Variants in CEP85L observed in about 807,000 individuals in gnomAD.
The protein encoded by CEP85L is centrosomal protein of 85 kDa-like.
A neutral mutation model predicts 100.3 loss-of-function variants in CEP85L; 60 were observed. The observed-to-expected ratio is 0.60, with a 90% CI of 0.49 to 0.74. CEP85L has a LOEUF of 0.74. Ranked by LOEUF, CEP85L falls within the 30% of genes least tolerant of loss-of-function variation. The pLI is 0.00. For missense variants in CEP85L, 973 were observed against 936.2 expected (o/e 1.04, Z -0.51); for synonymous variants, 319 against 322.7 (o/e 0.99, Z 0.12).
chr6:118,651,191 C>A lies in CEP85L; in HGVS notation c.73+6G>T. The A allele has an allele frequency of 1.3e-6, 2 of 1,495,596 alleles. No individual in the cohort carries two copies. The highest frequency in any genetic ancestry group is 2.8e-5 in the East Asian group (1 of 35,358). 92.6% of individuals were successfully genotyped at this position (1,495,596 alleles called of 1,614,324 possible). The stretch of plus-strand genomic sequence containing the variant: ...ACCCCAGCCGGGGCGCTGTCCCGTT[C>A]CTTACCGGCAGGGAAGCTGCGGGCT... On this transcript the variant is annotated splice_donor_region_variant and intron_variant, in intron 1 of 12. Transcript: ENST00000368491.
chr6:118,613,893 T>A (rs900400460), intron 2 of CEP85L, among the ~76,000 whole-genome samples: 10 of 151,976 alleles, frequency 6.6e-5, no homozygotes, highest in Admixed American at 6.6e-4. Context: ...TTTATAAAGG[T>A]ATTATAGTAT....
intron 1 of CEP85L, among the ~76,000 whole-genome samples, chr6:118,637,277 CT>C (rs1320786812): frequency 6.6e-6 from 1 of 152,140 alleles, no homozygotes; most frequent in African/African-American, 2.4e-5. Flanking sequence ...TACTTAGAGC[CT>C]TTTTATTTAG....
At chr6:118,490,444 G>T (rs780447520) in intron 6 of CEP85L, among the ~76,000 whole-genome samples, 1 of 152,138 alleles carries the variant, frequency 6.6e-6, no homozygotes, top group Non-Finnish European at 1.5e-5. Context: ...AGTCCTTTGC[G>T]CTATCAAGAA....
chr6:118,634,770 C>T (rs958303397), intron 1 of CEP85L, among the ~76,000 whole-genome samples: 1 of 152,132 alleles, frequency 6.6e-6, no homozygotes, highest in Non-Finnish European at 1.5e-5. Context: ...AGCTCAAAGT[C>T]CTGCCTAAAC....
rs1778199690 is a variant in CEP85L at position 118,546,325 on chromosome 6, T to A, written c.1020+19204A>T. 2.6e-5 allele frequency among the ~76,000 whole-genome samples: 4 copies of A among 152,186 alleles called. No homozygotes were observed. In the South Asian group the frequency reaches 8.3e-4, roughly 31 times the overall value. ...AAGGTGTGTATATGCCTATGTATAC[T>A]TTTTAAGTAAACTTATAAACATGTG... On this transcript the variant is annotated intron_variant, in intron 3 of 12. Coordinates refer to ENST00000368491, the MANE Select transcript of CEP85L (RefSeq NM_001042475.3).
At chr6:118,508,225 A>C (rs1193244829) in intron 5 of CEP85L, among the ~76,000 whole-genome samples, 1 of 152,122 alleles carries the variant, frequency 6.6e-6, no homozygotes, top group Non-Finnish European at 1.5e-5. Flanking sequence ...GGTGGAAACA[A>C]ACCAATTGAA....
intron 2 of CEP85L, among the ~76,000 whole-genome samples, chr6:118,566,797 T>C (rs1014017174): frequency 1.3e-5 from 2 of 152,208 alleles, no homozygotes; most frequent in African/African-American, 4.8e-5. Context: ...GTCAACATAG[T>C]TTCAGATTGG....
chr6:118,469,256 C>T lies in CEP85L; in HGVS notation c.2070G>A (p.Gln690=). The change falls in exon 12 of 13, where the codon CAG becomes CAA. Residue 690 remains glutamine, a synonymous_variant. Coordinates refer to ENST00000368491, the MANE Select transcript of CEP85L (RefSeq NM_001042475.3). ...DETCSLLDQG[Q]EPDQSRQQTV... Reference sequence around the variant, plus strand: ...TCTGCTGCCTAGATTGGTCAGGTTCCTGGCCCTGATCCAATAAAGAGCATG... The same window carrying T: ...TCTGCTGCCTAGATTGGTCAGGTTCTTGGCCCTGATCCAATAAAGAGCATG... 6.2e-7 allele frequency: 1 copy of T among 1,614,030 alleles called. No homozygotes were observed. Among genetic ancestry groups the T allele is most frequent in the Non-Finnish European group, 8.5e-7 (1 of 1,179,938 alleles).
chr6:118,698,140 C>G lies in CEP85L; in HGVS notation c.-28+11896G>C, dbSNP rs182749041. Among the ~76,000 whole-genome samples the G allele has an allele frequency of 2.0e-5, 3 of 152,280 alleles. No individual in the cohort carries two copies. The East Asian group carries it at 5.8e-4, about 29-fold the overall frequency. On this transcript the variant is annotated intron_variant, in intron 1 of 13. Coordinates refer to the CEP85L transcript ENST00000368488. ...TCAAGAAAAGGAGCTGAAGGGCACA[C>G]AAAATGAGACATATGTTGCTTCTAA...
chr6:118,651,870 G>C, upstream of CEP85L: 1 of 985,588 alleles, frequency 1.0e-6, no homozygotes, highest in Non-Finnish European at 1.2e-6. Context: ...CCCCTCCCTT[G>C]GGTAATCCCT....
At chr6:118,675,591 G>T (rs1184487112) in intron 1 of CEP85L, among the ~76,000 whole-genome samples, 1 of 142,772 alleles carries the variant, frequency 7.0e-6, no homozygotes, top group East Asian at 1.9e-4. Context: ...AAATAAGATT[G>T]CTAGAATTAA....
chr6:118,482,117 GA>G (rs1338299307), intron 7 of CEP85L, among the ~76,000 whole-genome samples, 184 bp from the exon 8 acceptor site: 1 of 151,396 alleles, frequency 6.6e-6, no homozygotes, highest in Non-Finnish European at 1.5e-5. Context: ...AAGGCACCTA[GA>G]AGAACAGAAT....
chr6:118,559,902 G>A (rs1036367281), intron 3 of CEP85L: 3 of 166,828 alleles, frequency 1.8e-5, no homozygotes, highest in Non-Finnish European at 2.9e-5. Context: ...CTTCATTTAA[G>A]GCACTGTAGT....
At chr6:118,509,918 G>A (rs564539266) in intron 5 of CEP85L, among the ~76,000 whole-genome samples, 7 of 151,916 alleles carry the variant, frequency 4.6e-5, no homozygotes, top group Non-Finnish European at 1.0e-4. Context: ...TTTTGTTAAC[G>A]GGCCTCATAG....
At chr6:118,617,387 T>C (rs1201900391) in intron 2 of CEP85L, among the ~76,000 whole-genome samples, 1 of 152,214 alleles carries the variant, frequency 6.6e-6, no homozygotes, top group Non-Finnish European at 1.5e-5. Context: ...GTGGGCCTTA[T>C]CTATCCTCCC....
chr6:118,491,113 CGCTGTTTTCCAT>C (rs1774525930), intron 6 of CEP85L, among the ~76,000 whole-genome samples: 1 of 151,766 alleles, frequency 6.6e-6, no homozygotes, highest in Admixed American at 6.6e-5. Context: ...CTGTTCTCCA[CGCTGTTTTCCAT>C]AGTTGTTGTA....
intron 3 of CEP85L, among the ~76,000 whole-genome samples, chr6:118,553,007 T>C (rs768963530): frequency 1.4e-4 from 21 of 152,080 alleles, no homozygotes; most frequent in Non-Finnish European, 2.5e-4. Context: ...TTATATATAT[T>C]GTCATTCTTT....
rs888766707 is a variant in CEP85L at position 118,480,819 on chromosome 6, A to C, written c.1746-306T>G. 6.6e-5 allele frequency among the ~76,000 whole-genome samples: 10 copies of C among 152,146 alleles called. No homozygotes were observed. The South Asian group carries it at 1.7e-3, about 25-fold the overall frequency. The stretch of plus-strand genomic sequence containing the variant: ...TTCATTACCCAAATCTGAGCTCTGA[A>C]GTCTAACTCATGTTCTTTCCTTTTC... On this transcript the variant is annotated intron_variant, in intron 8 of 12. Coordinates refer to ENST00000368491, the MANE Select transcript of CEP85L (RefSeq NM_001042475.3).
In CEP85L at chr6:118,531,528, A is replaced by T. The variant is rs147381402; in HGVS notation, c.1021-7608T>A. Among the ~76,000 whole-genome samples the T allele has an allele frequency of 3.7e-3, 566 of 152,302 alleles. 3 individuals are homozygous for T. The highest frequency in any genetic ancestry group is 0.013 in the African/African-American group (540 of 41,572). On this transcript the variant is annotated intron_variant, in intron 3 of 12. Transcript: ENST00000368491. ...TTGACAAATGGGACCTAATTAAACA[A>T]AAGAGCTTCTGCACAGCAAAAGAAA...
Sources: allele counts gnomAD v4.1 joint callset (sites outside exome capture counted in the v4.1 genomes callset), GRCh38; gene constraint gnomAD v4.1.1; transcripts MANE v1.5; gene names NCBI Gene and HGNC (gene_info 2026-07-23, HGNC 2026-07-21).